The following RBFOX1 variants were observed in gnomAD, a reference collection of about 807,000 sequenced individuals.
RBFOX1 encodes the protein RNA binding fox-1 homolog 1, also known as RNA binding protein fox-1 homolog 1.
Under a neutral mutation model 57.7 loss-of-function variants are expected in RBFOX1, and 8 were observed. The observed-to-expected ratio is 0.14, with a 90% CI of 0.08 to 0.25. RBFOX1 has a LOEUF of 0.25. RBFOX1 is among the 10% of genes least tolerant of loss of function. The probability of loss-of-function intolerance (pLI) is 1.00; values close to 1 mark genes in which losing one functional copy is unlikely to be tolerated. For missense variants in RBFOX1, 611 were observed against 548.5 expected, an observed-to-expected ratio of 1.11 and a Z score of -1.14; for synonymous variants, 326 against 222.4, an observed-to-expected ratio of 1.47 and a Z score of -4.15.
intron 1 of RBFOX1, among the ~76,000 whole-genome samples, chr16:6,095,440 T>C (rs1329617864): frequency 2.0e-5 from 3 of 152,174 alleles, no homozygotes; most frequent in African/African-American, 7.2e-5. Flanking sequence ...CCTTGGGGGA[T>C]GGCCTTGCAG....
chr16:5,972,948 T>G (rs550219354), intron 4 of RBFOX1, among the ~76,000 whole-genome samples: 17 of 152,220 alleles, frequency 1.1e-4, no homozygotes, highest in South Asian at 6.2e-4. Context: ...TTTTCATGAG[T>G]CATCATTTCT....
intron 1 of RBFOX1, among the ~76,000 whole-genome samples, chr16:5,326,935 C>T (rs1045763793): frequency 6.6e-6 from 1 of 152,130 alleles, no homozygotes; most frequent in East Asian, 1.9e-4. Flanking sequence ...AGGCACTGTC[C>T]TAGGAACTGA....
intron 3 of RBFOX1, among the ~76,000 whole-genome samples, chr16:5,735,389 G>A (rs1473338891): frequency 6.6e-6 from 1 of 152,176 alleles, no homozygotes; most frequent in South Asian, 2.1e-4. Flanking sequence ...CGTCCTCACA[G>A]AATGTCACAG....
chr16:6,962,846 C>T (rs927243121), intron 3 of RBFOX1, among the ~76,000 whole-genome samples: 1 of 141,102 alleles, frequency 7.1e-6, no homozygotes, highest in Non-Finnish European at 1.5e-5. Context: ...GCCTGGGCGG[C>T]AGAATGAGAC....
chr16:7,360,286 A>C (rs987858414), intron 4 of RBFOX1, among the ~76,000 whole-genome samples: 9 of 152,196 alleles, frequency 5.9e-5, no homozygotes, highest in African/African-American at 1.7e-4. Flanking sequence ...AATAGACTCA[A>C]AATGTGTCAC....
intron 3 of RBFOX1, among the ~76,000 whole-genome samples, chr16:6,956,828 C>G (rs1488208927): frequency 2.0e-5 from 3 of 152,138 alleles, no homozygotes; most frequent in African/African-American, 4.8e-5. Context: ...GGGGCTGGAG[C>G]TATCCAAGGA....
chr16:6,429,150 C>A (rs552591970), intron 2 of RBFOX1, among the ~76,000 whole-genome samples: 1 of 152,204 alleles, frequency 6.6e-6, no homozygotes, highest in Non-Finnish European at 1.5e-5. Context: ...CTCTGCATTG[C>A]CAGCTGTGAT....
At chr16:7,113,252 A>G (rs368882182) in intron 4 of RBFOX1, among the ~76,000 whole-genome samples, 195 of 152,332 alleles carry the variant, frequency 1.3e-3, no homozygotes, top group African/African-American at 4.6e-3. Flanking sequence ...ATGGAGACCC[A>G]AGAGTGTACC....
intron 3 of RBFOX1, among the ~76,000 whole-genome samples, chr16:6,722,743 C>T (rs1030515515): frequency 5.3e-5 from 8 of 152,134 alleles, no homozygotes; most frequent in Admixed American, 4.6e-4. Flanking sequence ...TTAAGGGCCC[C>T]GTTCATCAAT....
intron 11 of RBFOX1, among the ~76,000 whole-genome samples, chr16:7,633,132 A>AG (rs2061250154): frequency 1.3e-5 from 2 of 152,204 alleles, no homozygotes; most frequent in African/African-American, 2.4e-5. Context: ...ATTGAAAAAA[A>AG]CAAAACAAAA....
intron 1 of RBFOX1, among the ~76,000 whole-genome samples, chr16:6,047,033 C>A (rs1402650164): frequency 6.6e-6 from 1 of 152,184 alleles, no homozygotes; most frequent in African/African-American, 2.4e-5. Context: ...AGGACGCCTG[C>A]TGCTGCCATG....
chr16:5,616,773 CT>C (rs1270756710), intron 3 of RBFOX1, among the ~76,000 whole-genome samples: 2 of 148,178 alleles, frequency 1.3e-5, no homozygotes, highest in African/African-American at 5.0e-5. Context: ...CCCTTCTCCC[CT>C]ATTTTCCTCC....
intron 1 of RBFOX1, among the ~76,000 whole-genome samples, chr16:5,377,590 G>GAGAGAGAGAAAGAACA (rs1157894323): frequency 6.7e-6 from 1 of 149,112 alleles, no homozygotes; most frequent in African/African-American, 2.5e-5. Flanking sequence ...GATGGGGGGA[G>GAGAGAGAGAAAGAACA]AGAGAGAGAA....
At chr16:7,019,762 A>G (rs1194874355) in intron 3 of RBFOX1, among the ~76,000 whole-genome samples, 1 of 152,184 alleles carries the variant, frequency 6.6e-6, no homozygotes, top group Non-Finnish European at 1.5e-5. Context: ...GGCTTTGCCC[A>G]CCAGGTTTAG....
intron 3 of RBFOX1, among the ~76,000 whole-genome samples, chr16:5,861,921 G>C (rs531778429): frequency 1.3e-5 from 2 of 152,114 alleles, no homozygotes; most frequent in South Asian, 2.1e-4. Context: ...TGCTGCCTGT[G>C]GGGGGAATGG....
At chr16:7,046,247 TG>T in intron 3 of RBFOX1, among the ~76,000 whole-genome samples, 1 of 151,458 alleles carries the variant, frequency 6.6e-6, no homozygotes, top group Admixed American at 6.6e-5. Context: ...GGTGTGTGTG[TG>T]TGTGTGTGTG....
chr16:6,841,367 G>C (rs2093452567), intron 3 of RBFOX1, among the ~76,000 whole-genome samples: 1 of 152,128 alleles, frequency 6.6e-6, no homozygotes. Flanking sequence ...GAATAAAGTT[G>C]AAATAGCCTC....
At chr16:6,608,311 A>G (rs17140745) in intron 2 of RBFOX1, among the ~76,000 whole-genome samples, 5,874 of 152,300 alleles carry the variant, frequency 0.039, 338 homozygotes, top group East Asian at 0.22. Context: ...CCTGTGGGGA[A>G]AAGCCTATCT....
At position 6,097,468 on chromosome 16, in the gene RBFOX1, C is replaced by T. The variant is rs2096259158; in HGVS notation, c.-127+77476C>T. The stretch of plus-strand genomic sequence containing the variant: ...TGCAGATTCTTGGTGCCCATCCAAA[C>T]CTACAGAAGCAGAATCTCTGGTGGC... On this transcript the variant is annotated intron_variant, in intron 1 of 15. Transcript: ENST00000550418. The surrounding 1 kb of genome is among the most constrained non-coding windows in gnomAD (Gnocchi z 5.0). 6.6e-6 allele frequency among the ~76,000 whole-genome samples: 1 copy of T among 152,152 alleles called. No individual in the cohort carries two copies. Among genetic ancestry groups the T allele is most frequent in the Non-Finnish European group, 1.5e-5 (1 of 68,032 alleles).
Sources: allele counts gnomAD v4.1 joint callset (sites outside exome capture counted in the v4.1 genomes callset), GRCh38; gene constraint gnomAD v4.1.1; non-coding constraint Gnocchi (gnomAD v3.1); transcripts MANE v1.5; gene names NCBI Gene and HGNC (gene_info 2026-07-23, HGNC 2026-07-21).